Variants in HSPG2 observed in about 807,000 individuals in gnomAD.
HSPG2 encodes basement membrane-specific heparan sulfate proteoglycan core protein.
HSPG2 carries 278 observed loss-of-function variants against 526.6 expected under a neutral mutation model. The ratio of observed to expected loss-of-function variants is 0.53; its 90% CI spans 0.48 to 0.58. The LOEUF (loss-of-function observed/expected upper bound fraction) is 0.58. Ranked by LOEUF, HSPG2 falls within the 20% of genes least tolerant of loss-of-function variation. The pLI is 0.00. For missense variants in HSPG2, 5,354 were observed against 6,099.5 expected (o/e 0.88, Z 4.07); for synonymous variants, 2,465 against 2,555.4 (o/e 0.96, Z 1.07).
At position 21,857,329 on chromosome 1, in the gene HSPG2, G is replaced by A. The variant is rs150937055; in HGVS notation, c.5350C>T (p.Arg1784Cys). Residue 1784 changes from arginine (R) to cysteine (C), a missense_variant, in exon 43 of 97, where the codon CGC becomes TGC. Physicochemically the swap from Arg to Cys is radical, Grantham distance 180 (BLOSUM62 -3). Coordinates refer to ENST00000374695, the MANE Select transcript of HSPG2 (RefSeq NM_005529.7). ...ATGAAGGTGACGTCAGCTCCGGGGC[G>A]CACGCTCTGGCTCCGCTGCTCCTCC... is the stretch of plus-strand genomic sequence containing the variant. ...TVEEQRSQSV[R>C]PGADVTFICT... 7.7e-5 allele frequency: 124 copies of A among 1,614,010 alleles called. No individual in the cohort carries two copies. Among genetic ancestry groups the A allele is most frequent in the Admixed American group, 6.3e-4 (38 of 60,012 alleles).
At chr1:21,852,649 C>T (rs745321876) in intron 52 of HSPG2, 51 bp downstream of exon 52, 33 of 1,609,922 alleles carry the variant, frequency 2.0e-5, no homozygotes, top group Non-Finnish European at 2.5e-5. Flanking sequence ...CTCACCACCC[C>T]GGAGGCCTCT....
At chr1:21,935,278 C>G (rs1427326199) in intron 1 of HSPG2, among the ~76,000 whole-genome samples, 7 of 152,214 alleles carry the variant, frequency 4.6e-5, no homozygotes, top group Non-Finnish European at 1.5e-5. Context: ...CACCAGCAGC[C>G]TGGGGTGGGA....
At chr1:21,909,542 C>G (rs1214332615) in intron 1 of HSPG2, among the ~76,000 whole-genome samples, 1 of 152,208 alleles carries the variant, frequency 6.6e-6, no homozygotes, top group Non-Finnish European at 1.5e-5. Context: ...AGGGAATGTC[C>G]CAAGGGACAG....
chr1:21,884,373 C>T (rs1003612301), intron 13 of HSPG2, among the ~76,000 whole-genome samples, 155 bp downstream of exon 13: 12 of 152,146 alleles, frequency 7.9e-5, no homozygotes, highest in South Asian at 4.1e-4. Context: ...GTTTTCCCCC[C>T]GAAATGCTTT....
chr1:21,840,013 G>A lies in HSPG2; in HGVS notation c.9518C>T (p.Ser3173Leu). ...GCCCGCATCTGATGGTTTAGCTGAT[G>A]AAATCTGGGAGAAAGCAAGGAGGCT... ...LMDSHAVLQI[S>L]SAKPSDAGTY... is the part of the protein sequence containing the mutation. Residue 3173 changes from serine to leucine, a missense_variant, in exon 72 of 97, where the codon TCA becomes TTA. Transcript: ENST00000374695. The A allele has an allele frequency of 1.1e-5, 18 of 1,614,204 alleles. No homozygotes were observed. Among genetic ancestry groups the A allele is most frequent in the Non-Finnish European group, 1.5e-5 (18 of 1,180,038 alleles).
Position 21,893,832 on chromosome 1 carries a change from GAAAAGGTAAGAC to G in HSPG2, c.244+2078_244+2089del. ...AAGTGGGGCGGGGGAGAATGAGAGAGAAAAGGTAAGACAAAGGTGAAGAAAAAGGCAGAGGGA... is the reference window on the plus strand; with the variant it reads ...AAGTGGGGCGGGGGAGAATGAGAGAGAAAGGTGAAGAAAAAGGCAGAGGGA... On this transcript the variant is annotated intron_variant, in intron 3 of 96. Coordinates refer to ENST00000374695, the MANE Select transcript of HSPG2 (RefSeq NM_005529.7). The surrounding 1 kb of genome is among the most constrained non-coding windows in gnomAD (Gnocchi z 4.3). 1.3e-5 allele frequency among the ~76,000 whole-genome samples: 2 copies of G among 149,412 alleles called. No homozygotes were observed. Among genetic ancestry groups the G allele is most frequent in the Non-Finnish European group, 3.0e-5 (2 of 67,414 alleles).
intron 6 of HSPG2, among the ~76,000 whole-genome samples, chr1:21,889,603 A>G (rs1642201616): frequency 6.6e-6 from 1 of 152,152 alleles, no homozygotes; most frequent in Admixed American, 6.5e-5. Context: ...TCTCCTTCAT[A>G]GGAATTGCTG....
In HSPG2 at chr1:21,858,991, T is replaced by C. The variant is rs568447767; in HGVS notation, c.5293+575A>G. Among the ~76,000 whole-genome samples, 1 of 152,168 alleles carries C rather than the reference T, an allele frequency of 6.6e-6. No individual in the cohort carries two copies. The highest frequency in any genetic ancestry group is 3.4e-3 in the Middle Eastern group (1 of 294). On this transcript the variant is annotated intron_variant, in intron 42 of 96. Transcript: ENST00000374695. The surrounding 1 kb of genome is among the most constrained non-coding windows in gnomAD (Gnocchi z 4.2). ...GGTGACACAGCCTTTATGGACGCCC[T>C]CCCATCCCTGTCTCACTTTTCCCTG...
chr1:21,870,492 A>G (rs982571064), intron 33 of HSPG2, among the ~76,000 whole-genome samples: 3 of 152,110 alleles, frequency 2.0e-5, no homozygotes, highest in Non-Finnish European at 2.9e-5. Context: ...GGCCGCCCAC[A>G]TGCACACAGA....
chr1:21,831,852 G>A, intron 81 of HSPG2, 56 bp from the exon 82 acceptor site: 2 of 1,536,520 alleles, frequency 1.3e-6, no homozygotes, highest in South Asian at 2.5e-5. Flanking sequence ...TTGTAAGAAG[G>A]GCTAGGGGCC....
In HSPG2 at chr1:21,861,421, G is replaced by A. The variant is rs956924643; in HGVS notation, c.4955+336C>T. 9.2e-5 allele frequency among the ~76,000 whole-genome samples: 14 copies of A among 151,852 alleles called. 1 individual carries two copies. Among genetic ancestry groups the A allele is most frequent in the African/African-American group, 3.4e-4 (14 of 41,310 alleles). ...GCCTGTAATGCCAGCACTGAGGCAG[G>A]AGGACTGCTTGAGCCCAGGAGTTTA... On this transcript the variant is annotated intron_variant, in intron 39 of 96. Transcript: ENST00000374695.
rs1220839470 is a variant in HSPG2, at chr1:21,857,208, G to A, written c.5395-13C>T. The A allele has an allele frequency of 1.2e-6, 2 of 1,614,124 alleles. No homozygotes were observed. Among genetic ancestry groups the A allele is most frequent in the Admixed American group, 1.7e-5 (1 of 60,018 alleles). On this transcript the variant is annotated splice_polypyrimidine_tract_variant and intron_variant, in intron 43 of 96. Coordinates refer to ENST00000374695, the MANE Select transcript of HSPG2 (RefSeq NM_005529.7). ...TATAGGCTGGGGACTGCAGGGCAAG[G>A]CGAAAGGGGGTCATGGGTGGGGCTC...
At chr1:21,852,865 T>C (rs770281983) in intron 51 of HSPG2, 33 bp from the exon 52 acceptor site, 153 of 1,611,294 alleles carry the variant, frequency 9.5e-5, no homozygotes, top group Non-Finnish European at 1.2e-4. Flanking sequence ...GGGAGGGGGC[T>C]GGAACAGTCC....
intron 6 of HSPG2, among the ~76,000 whole-genome samples, chr1:21,889,170 T>C (rs1434919683): frequency 6.6e-6 from 1 of 152,106 alleles, no homozygotes; most frequent in Non-Finnish European, 1.5e-5. Context: ...GGGGATGGAG[T>C]TTGTTCCATT....
chr1:21,874,276 A>G, intron 28 of HSPG2, 130 bp downstream of exon 28: 1 of 1,258,706 alleles, frequency 7.9e-7, no homozygotes, highest in East Asian at 2.5e-5. Flanking sequence ...TCTCACACCA[A>G]GTGACACTGA....
intron 63 of HSPG2, 49 bp downstream of exon 63, chr1:21,846,399 G>A (rs764669361): frequency 1.4e-5 from 22 of 1,612,102 alleles, no homozygotes; most frequent in Non-Finnish European, 1.8e-5. Context: ...AAGCTAGCCA[G>A]GGCCCCCACA....
rs1179489778 is a variant in HSPG2, at chr1:21,854,509, G to C, written c.6288+102C>G. ...GAGGCCTGGCTTCTGCTGGTGGAAC[G>C]TGTGGGGCAGTGTGCCGCCTCCCCC... On this transcript the variant is annotated intron_variant, in intron 49 of 96. Transcript: ENST00000374695. 1.4e-5 allele frequency: 20 copies of C among 1,450,080 alleles called. No homozygotes were observed. In the East Asian group the frequency reaches 3.0e-4, roughly 22 times the overall value. The allele number at this position is 1,450,080 out of a possible 1,614,324, so 89.8% of individuals were successfully genotyped here.
chr1:21,929,593 T>TC (rs1246660753), intron 1 of HSPG2, among the ~76,000 whole-genome samples: 3 of 151,494 alleles, frequency 2.0e-5, no homozygotes, highest in African/African-American at 7.3e-5. Flanking sequence ...TTTTTTTTTT[T>TC]TTTTTTTTAG....
At chr1:21,882,371 T>C (rs2445138) in intron 13 of HSPG2, among the ~76,000 whole-genome samples, 12,706 of 151,236 alleles carry the variant, frequency 0.084, 1,392 homozygotes, top group African/African-American at 0.25. Context: ...GTTGTTATGA[T>C]GGGTCGTCTA....
Sources: gnomAD v4.1 joint callset for allele counts (sites outside exome capture counted in the v4.1 genomes callset) on GRCh38, gnomAD v4.1.1 for gene constraint, Gnocchi (gnomAD v3.1) non-coding constraint, MANE v1.5 for transcripts, NCBI Gene and HGNC (gene_info 2026-07-23, HGNC 2026-07-21) for gene names.